The following IGSF21 variants were observed in gnomAD, a reference collection of about 807,000 sequenced individuals.
IGSF21 encodes the protein immunoglobin superfamily member 21.
IGSF21 carries 28 observed loss-of-function variants against 46.8 expected under a neutral mutation model. The observed-to-expected ratio is 0.60, with a 90% CI of 0.44 to 0.82. The LOEUF is 0.82. IGSF21 is among the 40% of genes least tolerant of loss of function. The pLI, the probability that IGSF21 is intolerant of heterozygous loss-of-function variation, is 0.00. For missense variants in IGSF21, 624 were observed against 665.5 expected, an observed-to-expected ratio of 0.94 and a Z score of 0.69; for synonymous variants, 284 against 273.6, an observed-to-expected ratio of 1.04 and a Z score of -0.38.
At chr1:18,207,600 A>G (rs1191560513) in intron 1 of IGSF21, among the ~76,000 whole-genome samples, 1 of 152,246 alleles carries the variant, frequency 6.6e-6, no homozygotes, top group South Asian at 2.1e-4. Context: ...CTGCATTCCT[A>G]AAAGTGTTTT....
chr1:18,347,714 C>T (rs1222558830), intron 4 of IGSF21, among the ~76,000 whole-genome samples: 1 of 152,224 alleles, frequency 6.6e-6, no homozygotes, highest in African/African-American at 2.4e-5. Context: ...ATGAAGCAGA[C>T]AACCCAGTCA....
chr1:18,174,662 C>A (rs573475407), intron 1 of IGSF21, among the ~76,000 whole-genome samples: 11 of 152,326 alleles, frequency 7.2e-5, no homozygotes, highest in Admixed American at 2.0e-4. Flanking sequence ...TTTGCCCACC[C>A]GATTCCCATC....
rs1202935647 is a variant in IGSF21, at chr1:18,359,383, AAAGGAAGGAAGGAAGG to A, written c.425-2689_425-2674del. Among the ~76,000 whole-genome samples, 314 of 61,020 alleles carry A rather than the reference AAAGGAAGGAAGGAAGG, an allele frequency of 5.1e-3. 7 individuals carry two copies. The highest frequency in any genetic ancestry group is 0.016 in the Middle Eastern group (2 of 128). 40.0% of individuals were successfully genotyped at this position (61,020 alleles called of 152,430 possible). ...GAAAGAAAGAAAGAAAGAAAGAAAGAAAGGAAGGAAGGAAGGAAGGAAGGAAGGAAGGAAGGAAGGA... is the reference window on the plus strand; with the variant it reads ...GAAAGAAAGAAAGAAAGAAAGAAAGAAAGGAAGGAAGGAAGGAAGGAAGGA... On this transcript the variant is annotated intron_variant, in intron 4 of 9. Transcript: ENST00000251296.
intron 2 of IGSF21, among the ~76,000 whole-genome samples, chr1:18,229,930 CAGAT>C (rs1186258676): frequency 1.3e-5 from 2 of 152,192 alleles, no homozygotes; most frequent in African/African-American, 4.8e-5. Context: ...TGGTGAAAGA[CAGAT>C]AGAAATATGG....
Position 18,231,922 on chromosome 1 carries a change from C to CGTGTGTGTGTGTGTGTGTGTGTGT in IGSF21, c.183+3928_183+3951dup, listed in dbSNP as rs150869622. On this transcript the variant is annotated intron_variant, in intron 2 of 9. Coordinates refer to ENST00000251296, the MANE Select transcript of IGSF21 (RefSeq NM_032880.5). ...ATTTGGTAACCTGACATCATTAGAT[C>CGTGTGTGTGTGTGTGTGTGTGTGT]GTGTGTGTGTGTGTGTGTGTGTGTG... Among the ~76,000 whole-genome samples the CGTGTGTGTGTGTGTGTGTGTGTGT allele has an allele frequency of 1.9e-3, 266 of 136,496 alleles. 1 individual carries two copies. The highest frequency in any genetic ancestry group is 3.2e-3 in the Admixed American group (43 of 13,384). The allele number at this position is 136,496 out of a possible 152,430, so 89.5% of individuals were successfully genotyped here.
chr1:18,260,990 G>A (rs1471934189), intron 2 of IGSF21, among the ~76,000 whole-genome samples: 1 of 152,192 alleles, frequency 6.6e-6, no homozygotes, highest in Non-Finnish European at 1.5e-5. Context: ...GAGATGGGGG[G>A]ACATCGCTTT....
intron 1 of IGSF21, among the ~76,000 whole-genome samples, chr1:18,189,150 G>A (rs1046076911): frequency 6.6e-5 from 10 of 152,240 alleles, no homozygotes; most frequent in South Asian, 4.1e-4. Context: ...GCCTCATAGC[G>A]GGGTGCCAGC....
chr1:18,356,777 G>C (rs1360824172), intron 4 of IGSF21, among the ~76,000 whole-genome samples: 2 of 151,862 alleles, frequency 1.3e-5, no homozygotes, highest in African/African-American at 4.8e-5. Context: ...GAATTGAGTT[G>C]GAGATGAGGA....
intron 1 of IGSF21, among the ~76,000 whole-genome samples, chr1:18,217,846 G>A (rs1417542517): frequency 6.6e-6 from 1 of 152,210 alleles, no homozygotes; most frequent in Non-Finnish European, 1.5e-5. Flanking sequence ...CTGCATCTAT[G>A]AGCCTCAGTC....
At chr1:18,355,737 C>A (rs749701169) in intron 4 of IGSF21, among the ~76,000 whole-genome samples, 10 of 151,552 alleles carry the variant, frequency 6.6e-5, no homozygotes, top group Non-Finnish European at 1.3e-4. Context: ...ATAGGGTCGG[C>A]CTTTCCTACT....
rs1236813103 is a variant in IGSF21, at chr1:18,365,532, A to C, written c.850A>C (p.Thr284Pro). ...CCGCTGGGTCCACAGCGCCGAGCCC[A>C]CCTACTTCCTGCGCCACAGCCGCAC... The part of the protein sequence containing the change: ...FPRWVHSAEP[T>P]YFLRHSRTPS... The change falls in exon 6 of 10, where the codon ACC becomes CCC. Residue 284 changes from threonine to proline, a missense_variant. By Grantham distance (38) the Thr-to-Pro change is conservative (BLOSUM62 -1). Coordinates refer to ENST00000251296, the MANE Select transcript of IGSF21 (RefSeq NM_032880.5). The surrounding 1 kb of genome is among the most constrained non-coding windows in gnomAD (Gnocchi z 4.8). 2 of 1,613,680 alleles carry C rather than the reference A, an allele frequency of 1.2e-6. No homozygotes were observed. The highest frequency in any genetic ancestry group is 4.5e-5 in the East Asian group (2 of 44,858).
chr1:18,305,179 A>G (rs1242870041), intron 3 of IGSF21, among the ~76,000 whole-genome samples: 2 of 108,250 alleles, frequency 1.8e-5, no homozygotes, highest in African/African-American at 6.6e-5. Flanking sequence ...GAGATAGGGA[A>G]GGGGATGGAT....
intron 1 of IGSF21, among the ~76,000 whole-genome samples, chr1:18,216,764 G>T (rs534382275): frequency 6.6e-6 from 1 of 152,196 alleles, no homozygotes; most frequent in Non-Finnish European, 1.5e-5. Flanking sequence ...GAGGTAGATG[G>T]TTGGGAGTGC....
At chr1:18,200,302 G>A (rs901033035) in intron 1 of IGSF21, among the ~76,000 whole-genome samples, 8 of 152,186 alleles carry the variant, frequency 5.3e-5, no homozygotes, top group African/African-American at 1.2e-4. Flanking sequence ...GGTAGACAGC[G>A]CCCCCCTTTG....
chr1:18,123,016 C>T (rs1033406258), intron 1 of IGSF21, among the ~76,000 whole-genome samples: 1 of 152,156 alleles, frequency 6.6e-6, no homozygotes, highest in African/African-American at 2.4e-5. Flanking sequence ...ATCAGCCTGT[C>T]AGCTGCTTTG....
chr1:18,142,355 G>A (rs2086422234), intron 1 of IGSF21, among the ~76,000 whole-genome samples: 1 of 152,184 alleles, frequency 6.6e-6, no homozygotes, highest in South Asian at 2.1e-4. Context: ...GGTCCAACCG[G>A]GATTAGAACT....
At chr1:18,243,813 C>T (rs533445709) in intron 2 of IGSF21, among the ~76,000 whole-genome samples, 10 of 152,204 alleles carry the variant, frequency 6.6e-5, no homozygotes, top group Non-Finnish European at 1.3e-4. Context: ...CAGCATGAAC[C>T]CTGAGGAGCG....
At chr1:18,238,847 A>G (rs1010995848) in intron 2 of IGSF21, among the ~76,000 whole-genome samples, 2 of 152,046 alleles carry the variant, frequency 1.3e-5, no homozygotes, top group African/African-American at 4.8e-5. Context: ...AAAAACCACA[A>G]CCCCTCTCTG....
rs546757322 is a variant in IGSF21, at chr1:18,163,573, C to T, written c.70+55375C>T. ...AGCTACATTTCAGGTACATCGGTCT[C>T]GGTTTCCCCAGCAGGAGACAAGGCT... On this transcript the variant is annotated intron_variant, in intron 1 of 9. Transcript: ENST00000251296. Among the ~76,000 whole-genome samples, 4 of 152,324 alleles carry T rather than the reference C, an allele frequency of 2.6e-5. No individual in the cohort carries two copies. In the South Asian group the frequency reaches 6.2e-4, roughly 24 times the overall value.
Sources: allele counts gnomAD v4.1 joint callset (sites outside exome capture counted in the v4.1 genomes callset), GRCh38; gene constraint gnomAD v4.1.1; non-coding constraint Gnocchi (gnomAD v3.1); transcripts MANE v1.5; gene names NCBI Gene and HGNC (gene_info 2026-07-23, HGNC 2026-07-21).